The following PROZ variants were observed in gnomAD, a reference collection of about 807,000 sequenced individuals.
PROZ encodes vitamin K-dependent protein Z.
In PROZ, 46 loss-of-function variants were observed where a neutral mutation model predicts 34.9. The observed-to-expected ratio is 1.32, with a 90% CI of 1.04 to 1.69. The LOEUF (loss-of-function observed/expected upper bound fraction) is 1.69, where lower values mean the gene tolerates loss of function less well. Ranked by LOEUF, PROZ falls within the 40% of genes most tolerant of loss-of-function variation. The pLI is 0.00. For missense variants in PROZ, 530 were observed against 520.4 expected, an observed-to-expected ratio of 1.02 and a Z score of -0.18; for synonymous variants, 195 against 208.5, an observed-to-expected ratio of 0.94 and a Z score of 0.56.
rs2036730574 is a variant in PROZ, at chr13:113,159,885, C to T, written c.71-129C>T. Reference sequence around the variant, plus strand: ...GGAGTAGCGGGGTGGCCCTGAGGCCCTCGCAGGCTGAGAGCCTGTGGAGAC... The same window carrying T: ...GGAGTAGCGGGGTGGCCCTGAGGCCTTCGCAGGCTGAGAGCCTGTGGAGAC... On this transcript the variant is annotated intron_variant, in intron 1 of 7. Transcript: ENST00000375547. The surrounding 1 kb of genome is among the most constrained non-coding windows in gnomAD (Gnocchi z 4.6). The T allele has an allele frequency of 1.7e-6, 2 of 1,155,744 alleles. No homozygotes were observed. Among genetic ancestry groups the T allele is most frequent in the African/African-American group, 3.0e-5 (2 of 65,808 alleles). 71.6% of individuals were successfully genotyped at this position (1,155,744 alleles called of 1,614,324 possible).
chr13:113,164,501 T>TC lies in PROZ; in HGVS notation c.374-12_374-11insC. 1 of 1,499,312 alleles carries TC rather than the reference T, an allele frequency of 6.7e-7. No homozygotes were observed. The highest frequency in any genetic ancestry group is 8.9e-7 in the Non-Finnish European group (1 of 1,124,376). The allele number at this position is 1,499,312 out of a possible 1,614,324, so 92.9% of individuals were successfully genotyped here. On this transcript the variant is annotated splice_polypyrimidine_tract_variant and intron_variant, in intron 4 of 7. Transcript: ENST00000375547. ...CCAAGCTAGCATTTCCTTTTTTTTT[T>TC]TTCCTTTTCAGCTAAAAATGAATGT...
At chr13:113,164,768 A>AG (rs1325562273) in intron 5 of PROZ, 124 bp downstream of exon 5, 3 of 1,456,998 alleles carry the variant, frequency 2.1e-6, no homozygotes, top group African/African-American at 2.8e-5. Context: ...ACGACTCAGA[A>AG]GGTGGTCCGC....
chr13:113,172,152 T>G lies in PROZ; in HGVS notation c.*47T>G. 2 of 1,602,218 alleles carry G rather than the reference T, an allele frequency of 1.2e-6. No homozygotes were observed. Among genetic ancestry groups the G allele is most frequent in the African/African-American group, 1.3e-5 (1 of 74,828 alleles). On this transcript the variant is annotated 3_prime_UTR_variant, in exon 8 of 8. Transcript: ENST00000375547. Reference sequence around the variant, plus strand: ...TGAACAACACAACCGGAAGCGGGATTCCAAGCTGGCACTGCCACTGTGGAG... The same window carrying G: ...TGAACAACACAACCGGAAGCGGGATGCCAAGCTGGCACTGCCACTGTGGAG...
At position 113,164,270 on chromosome 13, in the gene PROZ, G is replaced by A. The variant is rs111933992; in HGVS notation, c.374-243G>A. Among the ~76,000 whole-genome samples, 190 of 152,102 alleles carry A rather than the reference G, an allele frequency of 1.2e-3. 1 individual carries two copies. The highest frequency in any genetic ancestry group is 2.7e-3 in the South Asian group (13 of 4,806). ...TGGGATTACAGGCATGAGCCACCGC[G>A]CCCGGCCTCACTCACGGAGTCTTTG... On this transcript the variant is annotated intron_variant, in intron 4 of 7. Transcript: ENST00000375547.
At chr13:113,164,416 T>C (rs1403184681) in intron 4 of PROZ, 97 bp from the exon 5 acceptor site, 2 of 1,409,334 alleles carry the variant, frequency 1.4e-6, no homozygotes. Context: ...AAGGCTGTGA[T>C]AAAATGAACA....
At chr13:113,160,560 T>C (rs866580435) in intron 2 of PROZ, among the ~76,000 whole-genome samples, 1 of 152,198 alleles carries the variant, frequency 6.6e-6, no homozygotes, top group South Asian at 2.1e-4. Flanking sequence ...ATCTTTAAAA[T>C]TCAACTCGGT....
intron 5 of PROZ, 163 bp from the exon 6 acceptor site, chr13:113,164,890 G>C: frequency 1.1e-6 from 1 of 937,728 alleles, no homozygotes; most frequent in Non-Finnish European, 1.7e-6. Context: ...TTTAACTCCA[G>C]TCTGTGTGTC....
intron 6 of PROZ, among the ~76,000 whole-genome samples, chr13:113,169,334 ACTT>A (rs1212966301): frequency 6.6e-6 from 1 of 152,150 alleles, no homozygotes; most frequent in Admixed American, 6.5e-5. Context: ...TTTTGTCTCT[ACTT>A]AACTTTTTGA....
chr13:113,164,380 A>T (rs969238811), intron 4 of PROZ, 133 bp from the exon 5 acceptor site: 21 of 1,003,510 alleles, frequency 2.1e-5, no homozygotes, highest in Non-Finnish European at 3.0e-5. Flanking sequence ...GAACACATGG[A>T]CCAACACACC....
intron 7 of PROZ, 151 bp downstream of exon 7, chr13:113,170,681 G>A: frequency 1.6e-6 from 1 of 637,126 alleles, no homozygotes; most frequent in Non-Finnish European, 2.8e-6. Context: ...ATCAACTCAG[G>A]AAGCATATGT....
At position 113,170,360 on chromosome 13, in the gene PROZ, C is replaced by T. The variant is rs533861125; in HGVS notation, c.574-53C>T. 69 of 1,147,798 alleles carry T rather than the reference C, an allele frequency of 6.0e-5. 1 individual carries two copies. In the South Asian group the frequency reaches 8.2e-4, roughly 14 times the overall value. The allele number at this position is 1,147,798 out of a possible 1,614,324, so 71.1% of individuals were successfully genotyped here. ...TCCCTATCCAGTAGACTTTACTGCC[C>T]CTAATCCTGCAAATTGTCACCAGCT... On this transcript the variant is annotated intron_variant, in intron 6 of 7. Coordinates refer to ENST00000375547, the MANE Select transcript of PROZ (RefSeq NM_003891.3).
At chr13:113,160,913 C>T (rs1566926649) in intron 2 of PROZ, 35 bp from the exon 3 acceptor site, 2 of 1,544,198 alleles carry the variant, frequency 1.3e-6, no homozygotes, top group African/African-American at 1.4e-5. Flanking sequence ...AAACAAATAT[C>T]CCATTTGTAA....
rs968266132 is a variant in PROZ at position 113,171,339 on chromosome 13, C to A, written c.692-255C>A. Among the ~76,000 whole-genome samples the A allele has an allele frequency of 1.3e-5, 2 of 152,176 alleles. No homozygotes were observed. Among genetic ancestry groups the A allele is most frequent in the Non-Finnish European group, 2.9e-5 (2 of 68,034 alleles). ...CCTGCTTTTTAATCATTTCACCACA[C>A]CCCACTGCACTCCAAAACAGAAGAA... On this transcript the variant is annotated intron_variant, in intron 7 of 7. Transcript: ENST00000375547. The surrounding 1 kb of genome is among the most constrained non-coding windows in gnomAD (Gnocchi z 5.1).
In PROZ at chr13:113,165,042, C is replaced by T. The variant is rs774665183; in HGVS notation, c.506-11C>T. 3.7e-6 allele frequency: 6 copies of T among 1,613,172 alleles called. No homozygotes were observed. The East Asian group carries it at 6.7e-5, about 18-fold the overall frequency. On this transcript the variant is annotated splice_polypyrimidine_tract_variant and intron_variant, in intron 5 of 7. Coordinates refer to ENST00000375547, the MANE Select transcript of PROZ (RefSeq NM_003891.3). ...CTGATTTTTATTCTCATGTTGCTGC[C>T]GCAAATGCAGACCAGTGTGCCTGCG...
Position 113,170,527 on chromosome 13 carries a change from A to G in PROZ, c.688A>G (p.Thr230Ala). The change falls in exon 7 of 8, where the codon ACA becomes GCA. Residue 230 changes from threonine (T) to alanine (A), a missense_variant. Coordinates refer to ENST00000375547, the MANE Select transcript of PROZ (RefSeq NM_003891.3). ...GTTACACAGGAATATTACTGTAAAA[A>G]CATGTAAGTATTTTATCATGAGTTT... is the stretch of plus-strand genomic sequence containing the variant. ...SLLHRNITVK[T>A]YFNRTSQDPL... 6.5e-7 allele frequency: 1 copy of G among 1,532,936 alleles called. No homozygotes were observed. Among genetic ancestry groups the G allele is most frequent in the Non-Finnish European group, 9.0e-7 (1 of 1,106,450 alleles). The allele number at this position is 1,532,936 out of a possible 1,614,324, so 95.0% of individuals were successfully genotyped here.
intron 6 of PROZ, 148 bp downstream of exon 6, chr13:113,165,268 C>T: frequency 1.3e-6 from 1 of 766,102 alleles, no homozygotes; most frequent in Non-Finnish European, 2.2e-6. Flanking sequence ...TCTATTCACA[C>T]TTCCAACCAT....
In PROZ at chr13:113,159,350, G is replaced by A. The variant is rs994870443; in HGVS notation, c.70+620G>A. On this transcript the variant is annotated intron_variant, in intron 1 of 7. Transcript: ENST00000375547. The surrounding 1 kb of genome is among the most constrained non-coding windows in gnomAD (Gnocchi z 4.6). The stretch of plus-strand genomic sequence containing the variant: ...CCCACCCTGAGAGGGTGATCCCCCC[G>A]CCCTGCCCTGCCCAGCACTTACCGT... 2.6e-5 allele frequency: 35 copies of A among 1,337,218 alleles called. No homozygotes were observed. Among genetic ancestry groups the A allele is most frequent in the Admixed American group, 1.4e-4 (7 of 50,080 alleles). 82.8% of individuals were successfully genotyped at this position (1,337,218 alleles called of 1,614,324 possible). A position where few individuals can be genotyped will look rare whatever the true frequency, so the allele number is the denominator to read the frequency against.
Position 113,164,636 on chromosome 13 carries a change from T to TC in PROZ, c.497_498insC (p.Pro167AlafsTer13). On this transcript the variant is annotated frameshift_variant, in exon 5 of 8. Coordinates refer to ENST00000375547, the MANE Select transcript of PROZ (RefSeq NM_003891.3). LOFTEE classifies it high-confidence loss of function. The stretch of plus-strand genomic sequence containing the variant: ...CTTGGTGAGGACCACAAACAGTGTG[T>TC]GCCCCACGGTGAGTGCTCAGACCAC... The TC allele has an allele frequency of 6.2e-7, 1 of 1,613,682 alleles. No homozygotes were observed. Among genetic ancestry groups the TC allele is most frequent in the South Asian group, 1.1e-5 (1 of 91,062 alleles).
intron 4 of PROZ, among the ~76,000 whole-genome samples, chr13:113,163,470 G>A (rs2036812674): frequency 6.6e-6 from 1 of 152,174 alleles, no homozygotes; most frequent in Non-Finnish European, 1.5e-5. Context: ...GTGGGAGACT[G>A]CAGACAGGGA....
Sources: gnomAD v4.1 joint callset for allele counts (sites outside exome capture counted in the v4.1 genomes callset) on GRCh38, gnomAD v4.1.1 for gene constraint, Gnocchi (gnomAD v3.1) non-coding constraint, MANE v1.5 for transcripts, NCBI Gene and HGNC (gene_info 2026-07-23, HGNC 2026-07-21) for gene names.